The following DLGAP2 variants were observed in gnomAD, a reference collection of about 807,000 sequenced individuals.
DLGAP2 encodes the protein DLG associated protein 2.
DLGAP2 carries 26 observed loss-of-function variants against 100.3 expected under a neutral mutation model. That is an observed-to-expected ratio of 0.26 (90% CI 0.19 to 0.36). The LOEUF is 0.36. DLGAP2 is among the 10% of genes least tolerant of loss of function. DLGAP2 has a pLI of 1.00. For synonymous variants in DLGAP2, 886 were observed against 630.1 expected (o/e 1.41, Z -6.08); for missense variants, 1,858 against 1,453.2 (o/e 1.28, Z -4.53).
At chr8:1,359,858 TAC>T (rs1801940011) in intron 3 of DLGAP2, among the ~76,000 whole-genome samples, 1 of 152,228 alleles carries the variant, frequency 6.6e-6, no homozygotes, top group Admixed American at 6.5e-5. Context: ...TAGATGAAGA[TAC>T]AGTGTTTTTC....
At position 1,676,753 on chromosome 8, in the gene DLGAP2, T is replaced by G. The variant is rs139486417; in HGVS notation, c.2288+135T>G. ...GAAACAGGGCCATACGTTTATACTT[T>G]TCCATTGATAACCCTCAAGTATGAA... On this transcript the variant is annotated intron_variant, in intron 11 of 14. Transcript: ENST00000637795. 3.8e-5 allele frequency: 32 copies of G among 839,976 alleles called. No individual in the cohort carries two copies. In the African/African-American group the frequency reaches 5.0e-4, roughly 13 times the overall value. The allele number at this position is 839,976 out of a possible 1,614,324, so 52.0% of individuals were successfully genotyped here.
At chr8:1,566,591 G>A (rs1802412118) in intron 6 of DLGAP2, among the ~76,000 whole-genome samples, 3 of 152,198 alleles carry the variant, frequency 2.0e-5, no homozygotes, top group Admixed American at 1.3e-4. Context: ...CCGGCTGTGA[G>A]GTCCTGGGCA....
chr8:1,147,862 T>C (rs527392136), intron 2 of DLGAP2, among the ~76,000 whole-genome samples: 1 of 152,346 alleles, frequency 6.6e-6, no homozygotes, highest in East Asian at 1.9e-4. Flanking sequence ...TTTTATAATT[T>C]AAAAATTGTT....
At chr8:782,027 A>G (rs989501458) in intron 1 of DLGAP2, among the ~76,000 whole-genome samples, 1 of 152,186 alleles carries the variant, frequency 6.6e-6, no homozygotes, top group Admixed American at 6.5e-5. Flanking sequence ...GATGACTACC[A>G]TTAACATTAA....
chr8:1,158,075 C>T (rs1480476224), intron 2 of DLGAP2, among the ~76,000 whole-genome samples: 1 of 152,190 alleles, frequency 6.6e-6, no homozygotes, highest in African/African-American at 2.4e-5. Flanking sequence ...CACAGCTGCC[C>T]CTTGCAGGTT....
intron 3 of DLGAP2, among the ~76,000 whole-genome samples, chr8:1,487,382 A>G (rs1420840714): frequency 6.6e-6 from 1 of 152,208 alleles, no homozygotes; most frequent in East Asian, 1.9e-4. Flanking sequence ...CCAACCACAA[A>G]TCAGATTTTT....
chr8:1,309,173 A>G (rs1563074866), intron 3 of DLGAP2, among the ~76,000 whole-genome samples: 1 of 152,188 alleles, frequency 6.6e-6, no homozygotes, highest in African/African-American at 2.4e-5. Context: ...GAACGAAATG[A>G]AAAGAAAGAA....
intron 2 of DLGAP2, among the ~76,000 whole-genome samples, chr8:1,221,430 A>C (rs569433289): frequency 1.4e-4 from 22 of 152,242 alleles, no homozygotes; most frequent in African/African-American, 5.3e-4. Context: ...TAGTTTCTTA[A>C]TCTCTTCTGG....
chr8:889,653 G>A (rs1447284871), intron 1 of DLGAP2, among the ~76,000 whole-genome samples: 1 of 152,250 alleles, frequency 6.6e-6, no homozygotes, highest in Admixed American at 6.5e-5. Flanking sequence ...TAGGGGAAGA[G>A]CGCAGCCTGG....
At chr8:1,466,756 G>A (rs919784296) in intron 3 of DLGAP2, among the ~76,000 whole-genome samples, 3 of 152,262 alleles carry the variant, frequency 2.0e-5, no homozygotes, top group Non-Finnish European at 4.4e-5. Flanking sequence ...TCACCATTGC[G>A]TGGATAGTGG....
chr8:971,707 G>A (rs1022202818), intron 2 of DLGAP2, among the ~76,000 whole-genome samples: 4 of 152,172 alleles, frequency 2.6e-5, no homozygotes, highest in Admixed American at 2.6e-4. Flanking sequence ...TCATCATGGA[G>A]TACTCTCAGA....
chr8:1,341,632 A>G (rs1462921265), intron 3 of DLGAP2, among the ~76,000 whole-genome samples: 4 of 152,194 alleles, frequency 2.6e-5, no homozygotes, highest in Admixed American at 2.6e-4. Flanking sequence ...CTTTGCAGGT[A>G]AATATGAACT....
chr8:883,136 T>G (rs987034334), intron 1 of DLGAP2: 1 of 152,606 alleles, frequency 6.6e-6, no homozygotes, highest in Non-Finnish European at 1.5e-5. Context: ...TGGATTCTTC[T>G]CTCTCAGTGA....
In DLGAP2 at chr8:1,346,852, T is replaced by C. The variant is rs1239410459; in HGVS notation, c.106+87969T>C. ...AGAGCTGCATTGCACTCATGGTAGC[T>C]GTGTGGAGGTTGAGTTCCCATACAG... On this transcript the variant is annotated intron_variant, in intron 3 of 14. Coordinates refer to ENST00000637795, the MANE Select transcript of DLGAP2 (RefSeq NM_001346810.2). 3.3e-5 allele frequency among the ~76,000 whole-genome samples: 5 copies of C among 152,086 alleles called. No homozygotes were observed. The East Asian group carries it at 9.7e-4, about 30-fold the overall frequency.
intron 2 of DLGAP2, among the ~76,000 whole-genome samples, chr8:1,112,817 C>A (rs557271220): frequency 2.0e-5 from 3 of 152,150 alleles, no homozygotes; most frequent in Non-Finnish European, 2.9e-5. Context: ...GGTTGTCTCC[C>A]AGGGTTTTTA....
intron 1 of DLGAP2, among the ~76,000 whole-genome samples, chr8:879,397 G>T (rs544810725): frequency 1.1e-4 from 16 of 152,332 alleles, no homozygotes; most frequent in South Asian, 8.3e-4. Context: ...CTTTGGGTCT[G>T]GTGGTACCCA....
chr8:1,672,047 A>G lies in DLGAP2; in HGVS notation c.2202+2263A>G, dbSNP rs549582683. On this transcript the variant is annotated intron_variant, in intron 10 of 14. Transcript: ENST00000637795. ...GTTTGTCTCTCCTGCTAAGTTTTCC[A>G]TTCTCTTTTGTGTGCATGTGTGTGT... 2.0e-5 allele frequency among the ~76,000 whole-genome samples: 3 copies of G among 152,054 alleles called. No homozygotes were observed. The East Asian group carries it at 5.8e-4, about 29-fold the overall frequency.
chr8:1,469,026 C>T (rs757792980), intron 3 of DLGAP2, among the ~76,000 whole-genome samples: 2 of 152,168 alleles, frequency 1.3e-5, no homozygotes, highest in Non-Finnish European at 2.9e-5. Context: ...GTCACAGGCT[C>T]CGGGATGAGG....
intron 3 of DLGAP2, among the ~76,000 whole-genome samples, chr8:1,448,313 C>T (rs1207568732): frequency 6.6e-6 from 1 of 152,120 alleles, no homozygotes. Flanking sequence ...TTTCAAAGAA[C>T]ATCTTTATTT....
Sources: gnomAD v4.1 joint callset for allele counts (sites outside exome capture counted in the v4.1 genomes callset) on GRCh38, gnomAD v4.1.1 for gene constraint, MANE v1.5 for transcripts, NCBI Gene and HGNC (gene_info 2026-07-23, HGNC 2026-07-21) for gene names.